The following ATXN1 variants were observed in gnomAD, a reference collection of about 807,000 sequenced individuals.
The protein encoded by ATXN1 is ataxin 1, also known as ataxin-1.
A neutral mutation model predicts 56.4 loss-of-function variants in ATXN1; 8 were observed. The ratio of observed to expected loss-of-function variants is 0.14; its 90% CI spans 0.08 to 0.26. The LOEUF is 0.26. Among genes scored for constraint, ATXN1 ranks in the 10% least tolerant of loss-of-function variants. The probability of loss-of-function intolerance (pLI) is 1.00; values close to 1 mark genes in which losing one functional copy is unlikely to be tolerated. For synonymous variants in ATXN1, 514 were observed against 494.6 expected (o/e 1.04, Z -0.52); for missense variants, 987 against 1,106.5 (o/e 0.89, Z 1.53).
chr6:16,464,501 C>A (rs1208831156), intron 6 of ATXN1, among the ~76,000 whole-genome samples: 1 of 152,248 alleles, frequency 6.6e-6, no homozygotes, highest in South Asian at 2.1e-4. Context: ...ATAAACCTTG[C>A]TACTGCTCAC....
chr6:16,606,522 G>T (rs1763007839), intron 3 of ATXN1, among the ~76,000 whole-genome samples: 1 of 147,800 alleles, frequency 6.8e-6, no homozygotes, highest in African/African-American at 2.5e-5. Flanking sequence ...TTGTTTGTGG[G>T]TTTTTTTTTT....
At chr6:16,552,808 G>C (rs946594040) in intron 4 of ATXN1, among the ~76,000 whole-genome samples, 8 of 152,198 alleles carry the variant, frequency 5.3e-5, no homozygotes, top group Non-Finnish European at 1.0e-4. Flanking sequence ...ATGATGTTCA[G>C]CTGCACTCTG....
intron 7 of ATXN1, among the ~76,000 whole-genome samples, chr6:16,325,280 G>C (rs1284060773): frequency 1.3e-5 from 2 of 151,994 alleles, no homozygotes; most frequent in Non-Finnish European, 2.9e-5. Flanking sequence ...ACCATGCCCG[G>C]CTAATTTTTG....
chr6:16,312,388 A>C (rs1263991730), intron 7 of ATXN1, among the ~76,000 whole-genome samples: 1 of 152,148 alleles, frequency 6.6e-6, no homozygotes, highest in Admixed American at 6.5e-5. Flanking sequence ...AAAAGAACGA[A>C]CATAACTAAC....
At chr6:16,546,247 T>C (rs771706262) in intron 4 of ATXN1, among the ~76,000 whole-genome samples, 1 of 152,202 alleles carries the variant, frequency 6.6e-6, no homozygotes, top group African/African-American at 2.4e-5. Flanking sequence ...CATGGCTGAT[T>C]GTGTCTTCAA....
At chr6:16,492,967 C>T (rs1443122822) in intron 5 of ATXN1, among the ~76,000 whole-genome samples, 1 of 152,182 alleles carries the variant, frequency 6.6e-6, no homozygotes, top group Non-Finnish European at 1.5e-5. Flanking sequence ...CTTTCTCCCA[C>T]ATTCCATCGG....
At position 16,636,318 on chromosome 6, in the gene ATXN1, T is replaced by C. The variant is rs1490105160; in HGVS notation, c.-489+21458A>G. 4.0e-5 allele frequency among the ~76,000 whole-genome samples: 6 copies of C among 151,178 alleles called. No homozygotes were observed. The South Asian group carries it at 6.3e-4, about 16-fold the overall frequency. On this transcript the variant is annotated intron_variant, in intron 3 of 7. Transcript: ENST00000436367. ...GCAGCCGGAACTGAAACCTACATTGTGTGACCACTCTCCTCCTCCCAAAGC... is the reference window on the plus strand; with the variant it reads ...GCAGCCGGAACTGAAACCTACATTGCGTGACCACTCTCCTCCTCCCAAAGC...
chr6:16,351,414 T>C (rs1459008166), intron 6 of ATXN1, among the ~76,000 whole-genome samples: 3 of 151,784 alleles, frequency 2.0e-5, no homozygotes, highest in African/African-American at 7.3e-5. Flanking sequence ...GGTTTTTTTT[T>C]TTTTTTGAAA....
intron 3 of ATXN1, among the ~76,000 whole-genome samples, chr6:16,639,643 C>T (rs1257007683): frequency 6.6e-6 from 1 of 152,160 alleles, no homozygotes; most frequent in Non-Finnish European, 1.5e-5. Flanking sequence ...GCTTTTGGAG[C>T]TCCAAGGGGC....
rs184176584 is a variant in ATXN1 at position 16,423,585 on chromosome 6, C to T, written c.-161+62387G>A. On this transcript the variant is annotated intron_variant, in intron 6 of 7. Transcript: ENST00000436367. ...AGCTTCTTGCCACTGGCTGCAATGA[C>T]GCTCCCCAGTGAGGTGGAGGCCTAG... Among the ~76,000 whole-genome samples the T allele has an allele frequency of 4.2e-3, 639 of 152,242 alleles. 2 individuals are homozygous for T. The highest frequency in any genetic ancestry group is 0.015 in the African/African-American group (604 of 41,542).
chr6:16,505,562 G>A lies in ATXN1; in HGVS notation c.-299+17065C>T, dbSNP rs147401526. The stretch of plus-strand genomic sequence containing the variant: ...CAATGAGATTTTGAAATTTCCCCTT[G>A]CAATAAAAAAGAAGGGGCCTTAATA... On this transcript the variant is annotated intron_variant, in intron 5 of 7. Transcript: ENST00000436367. Among the ~76,000 whole-genome samples the A allele has an allele frequency of 6.8e-4, 103 of 152,226 alleles. 2 individuals carry two copies. The East Asian group carries it at 0.016, about 23-fold the overall frequency.
rs193205056 is a variant in ATXN1, at chr6:16,588,009, G to A, written c.-488-2102C>T. Among the ~76,000 whole-genome samples, 435 of 151,454 alleles carry A rather than the reference G, an allele frequency of 2.9e-3. 1 individual carries two copies. The highest frequency in any genetic ancestry group is 4.7e-3 in the Non-Finnish European group (319 of 67,934). On this transcript the variant is annotated intron_variant, in intron 3 of 7. Transcript: ENST00000436367. ...TAAATAGCTTAAATTCCATTGTGATGTCATCCTCATCTATCCCCTAATGTT... is the reference window on the plus strand; with the variant it reads ...TAAATAGCTTAAATTCCATTGTGATATCATCCTCATCTATCCCCTAATGTT...
At chr6:16,462,136 C>T (rs1026771416) in intron 6 of ATXN1, among the ~76,000 whole-genome samples, 4 of 152,192 alleles carry the variant, frequency 2.6e-5, no homozygotes, top group African/African-American at 7.2e-5. Context: ...TACTGTTGGT[C>T]AAGTCCCTCC....
At chr6:16,628,651 G>A (rs1763449556) in intron 3 of ATXN1, among the ~76,000 whole-genome samples, 1 of 152,118 alleles carries the variant, frequency 6.6e-6, no homozygotes, top group Non-Finnish European at 1.5e-5. Context: ...AGTGTCTGCT[G>A]TTCCCTTCTT....
At chr6:16,748,880 T>G (rs1465541056) in intron 2 of ATXN1, among the ~76,000 whole-genome samples, 1 of 152,088 alleles carries the variant, frequency 6.6e-6, no homozygotes, top group African/African-American at 2.4e-5. Flanking sequence ...ATCCTCAAAT[T>G]TTCTCTCATT....
Position 16,300,939 on chromosome 6 carries a change from A to G in ATXN1, c.*5390T>C, listed in dbSNP as rs771712522. 2.0e-5 allele frequency: 3 copies of G among 152,664 alleles called. No individual in the cohort carries two copies. The highest frequency in any genetic ancestry group is 1.3e-4 in the Admixed American group (2 of 15,284). The allele number at this position is 152,664 out of a possible 1,614,324, so 9.5% of individuals were successfully genotyped here. A position where few individuals can be genotyped will look rare whatever the true frequency, so the allele number is the denominator to read the frequency against. On this transcript the variant is annotated 3_prime_UTR_variant, in exon 8 of 8. Coordinates refer to ENST00000436367, the MANE Select transcript of ATXN1 (RefSeq NM_001128164.2). Reference sequence around the variant, plus strand: ...TTCCCCTCCCTCAGACGAGGGCTATATGTAACAAAAATAACAATAAGCATA... The same window carrying G: ...TTCCCCTCCCTCAGACGAGGGCTATGTGTAACAAAAATAACAATAAGCATA...
rs575415215 is a variant in ATXN1, at chr6:16,677,249, A to G, written c.-614-19348T>C. Among the ~76,000 whole-genome samples, 21 of 152,290 alleles carry G rather than the reference A, an allele frequency of 1.4e-4. 1 individual carries two copies. The South Asian group carries it at 3.1e-3, about 23-fold the overall frequency. ...CTGCTGGCAGAGAGCTCCCAGCTGC[A>G]ACACAGGCATTAATTACGTGTGCTC... is the stretch of plus-strand genomic sequence containing the variant. On this transcript the variant is annotated intron_variant, in intron 2 of 7. Transcript: ENST00000436367.
chr6:16,575,435 C>T (rs138656545), intron 4 of ATXN1, among the ~76,000 whole-genome samples: 22 of 152,210 alleles, frequency 1.4e-4, no homozygotes, highest in African/African-American at 5.3e-4. Context: ...TCATTGGACT[C>T]GTTGGATATT....
At chr6:16,415,337 C>T (rs1237692505) in intron 6 of ATXN1, among the ~76,000 whole-genome samples, 1 of 152,136 alleles carries the variant, frequency 6.6e-6, no homozygotes, top group East Asian at 1.9e-4. Flanking sequence ...TCAAGAGATT[C>T]TCCTGCCTCA....
Sources: allele counts gnomAD v4.1 joint callset (sites outside exome capture counted in the v4.1 genomes callset), GRCh38; gene constraint gnomAD v4.1.1; transcripts MANE v1.5; gene names NCBI Gene and HGNC (gene_info 2026-07-23, HGNC 2026-07-21).